KCNH8: variants seen among roughly 807,000 people sequenced by gnomAD.
The protein encoded by KCNH8 is voltage-gated delayed rectifier potassium channel KCNH8.
Under a neutral mutation model 103.6 loss-of-function variants are expected in KCNH8, and 70 were observed. The ratio of observed to expected loss-of-function variants is 0.68; its 90% CI spans 0.56 to 0.82. The LOEUF is 0.82. KCNH8 is among the 40% of genes least tolerant of loss of function. The pLI is 0.00. For missense variants in KCNH8, 1,217 were observed against 1,329.9 expected (o/e 0.92, Z 1.32); for synonymous variants, 498 against 489.4 (o/e 1.02, Z -0.23).
intron 3 of KCNH8, among the ~76,000 whole-genome samples, chr3:19,338,445 C>T (rs1412434456): frequency 6.6e-6 from 1 of 152,096 alleles, no homozygotes; most frequent in South Asian, 2.1e-4. Flanking sequence ...TCAGGTTTCA[C>T]TGTTAAATGG....
chr3:19,522,204 C>G (rs2068982806), intron 15 of KCNH8, among the ~76,000 whole-genome samples: 1 of 151,726 alleles, frequency 6.6e-6, no homozygotes, highest in Non-Finnish European at 1.5e-5. Flanking sequence ...AACATAGCAA[C>G]TTGTATTAAT....
intron 7 of KCNH8, among the ~76,000 whole-genome samples, chr3:19,406,932 T>C (rs999090995): frequency 6.6e-6 from 1 of 152,144 alleles, no homozygotes; most frequent in African/African-American, 2.4e-5. Context: ...CAACTTCTCT[T>C]ATTTGTATGA....
At chr3:19,181,648 A>G (rs1222336247) in intron 1 of KCNH8, among the ~76,000 whole-genome samples, 1 of 152,184 alleles carries the variant, frequency 6.6e-6, no homozygotes, top group African/African-American at 2.4e-5. Context: ...TGACTCAAAA[A>G]ATAGAAAAGT....
intron 3 of KCNH8, among the ~76,000 whole-genome samples, chr3:19,294,158 C>A (rs905471480): frequency 2.6e-5 from 4 of 151,906 alleles, no homozygotes; most frequent in African/African-American, 7.3e-5. Flanking sequence ...ATTTTTTGTT[C>A]TTTTTGACTC....
intron 1 of KCNH8, among the ~76,000 whole-genome samples, chr3:19,181,557 A>G (rs80069959): frequency 0.038 from 5,829 of 152,272 alleles, 190 homozygotes; most frequent in East Asian, 0.088. Flanking sequence ...TTAACACCCT[A>G]TGATTACCAT....
At chr3:19,362,816 G>A (rs7619260) in intron 5 of KCNH8, among the ~76,000 whole-genome samples, 2 of 151,974 alleles carry the variant, frequency 1.3e-5, no homozygotes, top group African/African-American at 4.8e-5. Flanking sequence ...GTGCCATCAC[G>A]CCTGGCTAAT....
In KCNH8 at chr3:19,510,383, C is replaced by T. The variant is rs1185242307; in HGVS notation, c.2061C>T (p.Asn687=). 1 of 1,582,680 alleles carries T rather than the reference C, an allele frequency of 6.3e-7. No homozygotes were observed. The highest frequency in any genetic ancestry group is 8.7e-7 in the Non-Finnish European group (1 of 1,151,706). The change falls in exon 12 of 16, where the codon AAC becomes AAT. Residue 687 remains asparagine, a synonymous_variant. Coordinates refer to ENST00000328405, the MANE Select transcript of KCNH8 (RefSeq NM_144633.3). The stretch of plus-strand genomic sequence containing the variant: ...TTCAGGTGATATCAAGACTATCAAA[C>T]AAATCTATGGTCTCACAGGTATGGC... ...HESDVISRLS[N]KSMVSQSEPK...
intron 11 of KCNH8, among the ~76,000 whole-genome samples, chr3:19,488,011 C>T (rs2068245606): frequency 6.6e-6 from 1 of 152,186 alleles, no homozygotes; most frequent in Non-Finnish European, 1.5e-5. Context: ...TGACCAAAAA[C>T]TTAATGTCCT....
At chr3:19,429,032 C>T (rs1356743334) in intron 7 of KCNH8, among the ~76,000 whole-genome samples, 2 of 152,096 alleles carry the variant, frequency 1.3e-5, no homozygotes, top group Non-Finnish European at 2.9e-5. Flanking sequence ...AATCGCTTCA[C>T]CAGACGCTGG....
At chr3:19,258,985 G>T (rs1457026169) in intron 2 of KCNH8, among the ~76,000 whole-genome samples, 2 of 69,562 alleles carry the variant, frequency 2.9e-5, no homozygotes, top group African/African-American at 5.5e-5. Context: ...ATATATATCT[G>T]GAAATAATGT....
intron 1 of KCNH8, among the ~76,000 whole-genome samples, chr3:19,212,057 A>T (rs2063776393): frequency 6.6e-6 from 1 of 151,948 alleles, no homozygotes; most frequent in African/African-American, 2.4e-5. Flanking sequence ...AGATCAGGGA[A>T]TGCTAGACTC....
intron 1 of KCNH8, among the ~76,000 whole-genome samples, chr3:19,191,123 C>A (rs1237088017): frequency 6.6e-6 from 1 of 151,548 alleles, no homozygotes; most frequent in Non-Finnish European, 1.5e-5. Flanking sequence ...TTTTTTGTTT[C>A]AAAAATGGTG....
intron 11 of KCNH8, among the ~76,000 whole-genome samples, chr3:19,499,329 G>C (rs1315402709): frequency 6.6e-6 from 1 of 152,176 alleles, no homozygotes; most frequent in Non-Finnish European, 1.5e-5. Context: ...GTACCTGAAA[G>C]TCACAAGGAG....
chr3:19,425,104 T>A (rs1399320030), intron 7 of KCNH8, among the ~76,000 whole-genome samples: 1 of 152,218 alleles, frequency 6.6e-6, no homozygotes, highest in African/African-American at 2.4e-5. Flanking sequence ...ATTTAAAGTT[T>A]GAAAACTTGT....
intron 10 of KCNH8, 43 bp downstream of exon 10, chr3:19,451,447 G>C: frequency 1.3e-6 from 2 of 1,590,508 alleles, no homozygotes; most frequent in Non-Finnish European, 1.7e-6. Flanking sequence ...TGACTCTGGA[G>C]CATAAATTAA....
chr3:19,385,734 C>A (rs1041835179), intron 5 of KCNH8, among the ~76,000 whole-genome samples: 4 of 152,102 alleles, frequency 2.6e-5, no homozygotes, highest in Non-Finnish European at 5.9e-5. Context: ...CGTCTCACAC[C>A]TTCTAGCTCA....
intron 11 of KCNH8, among the ~76,000 whole-genome samples, chr3:19,478,447 C>G (rs556228236): frequency 1.3e-5 from 2 of 152,044 alleles, no homozygotes; most frequent in Admixed American, 1.3e-4. Context: ...ATCTGTTGTT[C>G]TTTGACTTTT....
At position 19,369,676 on chromosome 3, in the gene KCNH8, A is replaced by T. The variant is rs79391391; in HGVS notation, c.812-20805A>T. On this transcript the variant is annotated intron_variant, in intron 5 of 15. Transcript: ENST00000328405. ...TGAACTCATCATTTTTTCCCACTAA[A>T]CCACAACCTGTTTCCTTCCTGGATT... Among the ~76,000 whole-genome samples the T allele has an allele frequency of 6.3e-3, 951 of 152,000 alleles. 5 individuals carry two copies. The highest frequency in any genetic ancestry group is 0.021 in the African/African-American group (884 of 41,492).
intron 5 of KCNH8, among the ~76,000 whole-genome samples, chr3:19,376,254 C>G (rs1035332990): frequency 2.6e-5 from 4 of 152,352 alleles, no homozygotes; most frequent in African/African-American, 7.2e-5. Flanking sequence ...CAGCGAGACT[C>G]TGTGGGCGTA....
Sources: allele counts gnomAD v4.1 joint callset (sites outside exome capture counted in the v4.1 genomes callset), GRCh38; gene constraint gnomAD v4.1.1; transcripts MANE v1.5; gene names NCBI Gene and HGNC (gene_info 2026-07-23, HGNC 2026-07-21).